The following RRM2 variants were observed in gnomAD, a reference collection of about 807,000 sequenced individuals.
RRM2 encodes ribonucleotide reductase regulatory subunit M2.
Under a neutral mutation model 45.9 loss-of-function variants are expected in RRM2, and 6 were observed. The ratio of observed to expected loss-of-function variants is 0.13; its 90% CI spans 0.07 to 0.26. The LOEUF is 0.26. Among genes scored for constraint, RRM2 ranks in the 10% least tolerant of loss-of-function variants. The probability of loss-of-function intolerance (pLI) is 1.00; values close to 1 mark genes in which losing one functional copy is unlikely to be tolerated. For synonymous variants in RRM2, 177 were observed against 173.0 expected, an observed-to-expected ratio of 1.02 and a Z score of -0.18; for missense variants, 343 against 489.5, an observed-to-expected ratio of 0.70 and a Z score of 2.82.
At chr2:10,198,405 A>ATT (rs756036632) in intron 3 of RRM2, among the ~76,000 whole-genome samples, 5 of 136,042 alleles carry the variant, frequency 3.7e-5, no homozygotes, top group Non-Finnish European at 3.2e-5. Flanking sequence ...TCTTTGGCCC[A>ATT]TTTTTTTTTT....
intron 3 of RRM2, among the ~76,000 whole-genome samples, chr2:10,183,769 T>C (rs1664106935): frequency 6.9e-6 from 1 of 144,640 alleles, no homozygotes; most frequent in Admixed American, 7.2e-5. Context: ...CACTCCAGCC[T>C]GGGTGACGGA....
chr2:10,195,629 G>A lies in RRM2; in HGVS notation n.483-14682G>A, dbSNP rs1284926513. On this transcript the variant is annotated intron_variant and non_coding_transcript_variant, in intron 3 of 3. Coordinates refer to the RRM2 transcript ENST00000381786. The surrounding 1 kb of genome is among the most constrained non-coding windows in gnomAD (Gnocchi z 4.9). ...GGTGGGAAGCGAGGGAGAAGAGGTCGCGGTGAGCCTCGGGTGGACCCATGT... is the reference window on the plus strand; with the variant it reads ...GGTGGGAAGCGAGGGAGAAGAGGTCACGGTGAGCCTCGGGTGGACCCATGT... 1.3e-5 allele frequency among the ~76,000 whole-genome samples: 2 copies of A among 152,200 alleles called. No individual in the cohort carries two copies. The highest frequency in any genetic ancestry group is 2.9e-5 in the Non-Finnish European group (2 of 68,016).
intron 3 of RRM2, among the ~76,000 whole-genome samples, chr2:10,194,781 C>G (rs1664379374): frequency 1.3e-5 from 2 of 152,244 alleles, no homozygotes; most frequent in Admixed American, 1.3e-4. Context: ...GCCCCACTGT[C>G]CTGTCCTTCC....
At position 10,124,747 on chromosome 2, in the gene RRM2, A is replaced by G. The variant is rs1662745592; in HGVS notation, c.466A>G (p.Thr156Ala). 1.2e-6 allele frequency: 2 copies of G among 1,612,098 alleles called. No homozygotes were observed. The highest frequency in any genetic ancestry group is 4.5e-5 in the East Asian group (2 of 44,880). Residue 156 changes from threonine to alanine, a missense_variant, in exon 5 of 10, where the codon ACA becomes GCA. Around this residue, in one of 2 missense-constraint regions of RRM2, gnomAD observed 212 missense variants for 368.1 expected, o/e 0.58. Coordinates refer to ENST00000304567, the MANE Select transcript of RRM2 (RefSeq NM_001034.4). ...VERFSQEVQI[T>A]EARCFYGFQI... ...GCGATTTAGCCAAGAAGTTCAGATTACAGAAGCCCGCTGTTTCTATGGCTT... is the reference window on the plus strand; with the variant it reads ...GCGATTTAGCCAAGAAGTTCAGATTGCAGAAGCCCGCTGTTTCTATGGCTT...
Position 10,195,678 on chromosome 2 carries a change from G to A in RRM2, n.483-14633G>A, listed in dbSNP as rs944675559. On this transcript the variant is annotated intron_variant and non_coding_transcript_variant, in intron 3 of 3. Coordinates refer to the RRM2 transcript ENST00000381786. This position sits in a 1 kb window ranked among gnomAD's most constrained non-coding sequence, Gnocchi z 4.9. ...GTGGCAGACCTGTGAGTTGGTCCCC[G>A]ACAGCCTCCTGCCTTTCTCCCTGAC... is the stretch of plus-strand genomic sequence containing the variant. Among the ~76,000 whole-genome samples the A allele has an allele frequency of 2.0e-5, 3 of 152,144 alleles. No homozygotes were observed. The highest frequency in any genetic ancestry group is 1.9e-4 in the East Asian group (1 of 5,196).
intron 3 of RRM2, among the ~76,000 whole-genome samples, chr2:10,149,404 C>T (rs985912187): frequency 1.3e-5 from 2 of 152,204 alleles, no homozygotes; most frequent in Non-Finnish European, 2.9e-5. Context: ...GCTGGGATTG[C>T]AGGTGTGAGT....
chr2:10,145,592 G>C (rs1257021893), intron 3 of RRM2: 1 of 152,388 alleles, frequency 6.6e-6, no homozygotes, highest in Non-Finnish European at 1.5e-5. Context: ...GCTGCTGTGA[G>C]TCCAGCTAGG....
At chr2:10,191,994 G>A (rs1664315924) in intron 3 of RRM2, among the ~76,000 whole-genome samples, 1 of 152,188 alleles carries the variant, frequency 6.6e-6, no homozygotes, top group South Asian at 2.1e-4. Flanking sequence ...CTTGATGTAA[G>A]GCCTCAAGCG....
Position 10,127,317 on chromosome 2 carries a change from T to G in RRM2, c.798+97T>G, listed in dbSNP as rs1412134224. On this transcript the variant is annotated intron_variant, in intron 7 of 9. Coordinates refer to ENST00000304567, the MANE Select transcript of RRM2 (RefSeq NM_001034.4). This position sits in a 1 kb window ranked among gnomAD's most constrained non-coding sequence, Gnocchi z 4.1. ...CGGGGACCTGAGATGCTAGATGGCA[T>G]ATATCCACATTTAATGTGTGAGTTC... 45 of 1,228,368 alleles carry G rather than the reference T, an allele frequency of 3.7e-5. No individual in the cohort carries two copies. Among genetic ancestry groups the G allele is most frequent in the Non-Finnish European group, 4.8e-5 (42 of 872,298 alleles). The allele number at this position is 1,228,368 out of a possible 1,614,324, so 76.1% of individuals were successfully genotyped here.
chr2:10,196,111 A>G (rs1277296207), intron 3 of RRM2, among the ~76,000 whole-genome samples: 1 of 152,162 alleles, frequency 6.6e-6, no homozygotes, highest in African/African-American at 2.4e-5. Flanking sequence ...AATTAATCAG[A>G]TGTGTGGCTT....
chr2:10,168,098 C>T (rs149381053), intron 3 of RRM2, among the ~76,000 whole-genome samples: 158 of 150,530 alleles, frequency 1.0e-3, no homozygotes, highest in Admixed American at 3.1e-3. Context: ...AGAGCCCCCT[C>T]ATTCCTGGTG....
In RRM2 at chr2:10,129,428, C is replaced by A; in HGVS notation, c.*42C>A. The A allele has an allele frequency of 6.4e-7, 1 of 1,558,540 alleles. No homozygotes were observed. On this transcript the variant is annotated 3_prime_UTR_variant, in exon 10 of 10. Transcript: ENST00000304567. This position sits in a 1 kb window ranked among gnomAD's most constrained non-coding sequence, Gnocchi z 4.8. ...CCCTTACTTGGCTGATTTTTTTTTTCCATCTCATAAGAAAAATCAGCTGAA... is the reference window on the plus strand; with the variant it reads ...CCCTTACTTGGCTGATTTTTTTTTTACATCTCATAAGAAAAATCAGCTGAA...
At chr2:10,147,440 A>C (rs1663212245) in intron 3 of RRM2, among the ~76,000 whole-genome samples, 1 of 151,864 alleles carries the variant, frequency 6.6e-6, no homozygotes, top group South Asian at 2.1e-4. Flanking sequence ...TACCACACCC[A>C]GCTAATTTTT....
At position 10,126,903 on chromosome 2, in the gene RRM2, A is replaced by T; in HGVS notation, c.598A>T (p.Met200Leu). The change falls in exon 6 of 10, where the codon ATG (methionine) becomes TTG (leucine). Residue 200 changes from methionine to leucine, a missense_variant. Transcript: ENST00000304567. ...ATTTCTCTTCAATGCCATTGAAACG[A>T]TGCCTTGTGTCAAGAAGAAGGCAGA... Reference protein sequence around the residue: ...REFLFNAIETMPCVKKKADWA... With the variant: ...REFLFNAIETLPCVKKKADWA... 6 of 1,614,116 alleles carry T rather than the reference A, an allele frequency of 3.7e-6. No individual in the cohort carries two copies. The highest frequency in any genetic ancestry group is 5.1e-6 in the Non-Finnish European group (6 of 1,180,002).
intron 4 of RRM2, chr2:10,124,254 C>T (rs1028359077): frequency 4.1e-6 from 1 of 245,842 alleles, no homozygotes; most frequent in Non-Finnish European, 8.0e-6. Context: ...TACAGACGTG[C>T]GCCACCATGC....
rs772898235 is a variant in RRM2, at chr2:10,127,063, A to G, written c.665-24A>G. The G allele has an allele frequency of 1.2e-6, 2 of 1,613,078 alleles. No homozygotes were observed. Among genetic ancestry groups the G allele is most frequent in the Non-Finnish European group, 1.7e-6 (2 of 1,179,088 alleles). ...CCTTGAATACCAACTCACTAGAATC[A>G]TGTTGGTGTTAACTCCTAAATAGGT... is the stretch of plus-strand genomic sequence containing the variant. On this transcript the variant is annotated intron_variant, in intron 6 of 9. Transcript: ENST00000304567. The surrounding 1 kb of genome is among the most constrained non-coding windows in gnomAD (Gnocchi z 4.1).
At position 10,205,356 on chromosome 2, in the gene RRM2, A is replaced by G. The variant is rs1664644279; in HGVS notation, n.483-4955A>G. On this transcript the variant is annotated intron_variant and non_coding_transcript_variant, in intron 3 of 3. Transcript: ENST00000381786. This position sits in a 1 kb window ranked among gnomAD's most constrained non-coding sequence, Gnocchi z 4.8. ...CAGCATCCTCCCCAGGTCAGAACAC[A>G]TTTTGGGGCAGAACCGAGTTTTCTC... 6.6e-6 allele frequency among the ~76,000 whole-genome samples: 1 copy of G among 152,118 alleles called. No homozygotes were observed. Among genetic ancestry groups the G allele is most frequent in the Non-Finnish European group, 1.5e-5 (1 of 68,018 alleles).
In RRM2 at chr2:10,210,611, T is replaced by C. The variant is rs757919243; in HGVS notation, n.783T>C. The C allele has an allele frequency of 5.2e-5, 71 of 1,361,608 alleles. 2 individuals are homozygous for C. The Admixed American group carries it at 1.1e-3, about 21-fold the overall frequency. The allele number at this position is 1,361,608 out of a possible 1,614,324, so 84.3% of individuals were successfully genotyped here. ...AGGGCCCCATAGACAGCAGATCTGC[T>C]GCTTTCAATCACACCCACTGCCTCT... On this transcript the variant is annotated non_coding_transcript_exon_variant, in exon 4 of 4. Coordinates refer to the RRM2 transcript ENST00000381786.
chr2:10,175,728 C>T (rs901995600), intron 3 of RRM2, among the ~76,000 whole-genome samples: 1 of 152,076 alleles, frequency 6.6e-6, no homozygotes, highest in Non-Finnish European at 1.5e-5. Flanking sequence ...CTCTGAGTAG[C>T]TGGGATTACA....
Sources: gnomAD v4.1 joint callset for allele counts (sites outside exome capture counted in the v4.1 genomes callset) on GRCh38, gnomAD v4.1.1 for gene constraint, gnomAD v4.1.1 regional missense constraint, Gnocchi (gnomAD v3.1) non-coding constraint, MANE v1.5 for transcripts, NCBI Gene and HGNC (gene_info 2026-07-23, HGNC 2026-07-21) for gene names.